The following DOK6 variants were observed in gnomAD, a reference collection of about 807,000 sequenced individuals.
The protein encoded by DOK6 is docking protein 6.
DOK6 carries 22 observed loss-of-function variants against 44.0 expected under a neutral mutation model. That is an observed-to-expected ratio of 0.50 (90% CI 0.36 to 0.71). The LOEUF is 0.71. Among genes scored for constraint, DOK6 ranks in the 30% least tolerant of loss-of-function variants. The pLI is 0.00. For synonymous variants in DOK6, 166 were observed against 145.5 expected (o/e 1.14, Z -1.01); for missense variants, 340 against 416.4 (o/e 0.82, Z 1.60).
chr18:69,493,102 T>G (rs1295696101), intron 1 of DOK6, among the ~76,000 whole-genome samples: 1 of 152,142 alleles, frequency 6.6e-6, no homozygotes, highest in African/African-American at 2.4e-5. Context: ...AATATTAAGA[T>G]CTTTCCAGAA....
At chr18:69,540,632 G>A (rs1442663) in intron 1 of DOK6, among the ~76,000 whole-genome samples, 16,607 of 152,016 alleles carry the variant, frequency 0.11, 1,824 homozygotes, top group African/African-American at 0.28. Context: ...ACATTTATGT[G>A]GCCATTGTAA....
chr18:69,586,598 C>T (rs924380232), intron 2 of DOK6, among the ~76,000 whole-genome samples: 3 of 152,246 alleles, frequency 2.0e-5, no homozygotes, highest in Non-Finnish European at 4.4e-5. Flanking sequence ...TCCCCGGACC[C>T]TACTGGCTAG....
At chr18:69,458,136 C>A (rs529673696) in intron 1 of DOK6, among the ~76,000 whole-genome samples, 2 of 152,266 alleles carry the variant, frequency 1.3e-5, no homozygotes, top group South Asian at 4.1e-4. Context: ...CCAGCCTGGG[C>A]AACAAGAGCA....
At chr18:69,762,784 G>C (rs1435626319) in intron 7 of DOK6, among the ~76,000 whole-genome samples, 1 of 152,154 alleles carries the variant, frequency 6.6e-6, no homozygotes, top group Non-Finnish European at 1.5e-5. Context: ...TCAAAGCTTT[G>C]ACTTAGCTCA....
intron 3 of DOK6, among the ~76,000 whole-genome samples, chr18:69,603,686 G>C (rs1289301511): frequency 6.6e-6 from 1 of 150,690 alleles, no homozygotes; most frequent in Non-Finnish European, 1.5e-5. Flanking sequence ...CAGGAGAATG[G>C]CGTGAACCCG....
intron 3 of DOK6, among the ~76,000 whole-genome samples, chr18:69,603,643 C>T (rs183805149): frequency 0.012 from 1,876 of 151,956 alleles, 24 homozygotes; most frequent in Non-Finnish European, 0.016. Context: ...TGGTGGCGGG[C>T]GCCTGTAGTC....
chr18:69,418,929 A>ACTT (rs1180945283), intron 1 of DOK6, among the ~76,000 whole-genome samples: 1 of 152,100 alleles, frequency 6.6e-6, no homozygotes, highest in Non-Finnish European at 1.5e-5. Context: ...ATTAGCTGGG[A>ACTT]CTTTTTCATT....
chr18:69,818,110 T>C (rs1981454887), intron 7 of DOK6, among the ~76,000 whole-genome samples: 1 of 152,150 alleles, frequency 6.6e-6, no homozygotes, highest in Non-Finnish European at 1.5e-5. Context: ...CCAGGAACTT[T>C]GAGTACCTTA....
At chr18:69,646,690 T>C (rs1458586373) in intron 3 of DOK6, among the ~76,000 whole-genome samples, 1 of 152,166 alleles carries the variant, frequency 6.6e-6, no homozygotes, top group Non-Finnish European at 1.5e-5. Flanking sequence ...TGCTTCCTTT[T>C]CCTTTACCAC....
At chr18:69,542,097 G>A (rs1599182021) in intron 1 of DOK6, among the ~76,000 whole-genome samples, 1 of 151,544 alleles carries the variant, frequency 6.6e-6, no homozygotes, top group Middle Eastern at 3.4e-3. Context: ...GAATTTACCT[G>A]CTAGACAACT....
rs1982289713 is a variant in DOK6, at chr18:69,843,834, A to G, written c.*2451A>G. On this transcript the variant is annotated 3_prime_UTR_variant, in exon 8 of 8. Coordinates refer to ENST00000382713, the MANE Select transcript of DOK6 (RefSeq NM_152721.6). ...TCGTCACAATGAGGAGAATGCTATA[A>G]TCTATCTCATGGTACATTTTTGGAG... 1 of 152,220 alleles carries G rather than the reference A, an allele frequency of 6.6e-6. No homozygotes were observed. The highest frequency in any genetic ancestry group is 1.5e-5 in the Non-Finnish European group (1 of 68,032). The allele number at this position is 152,220 out of a possible 1,614,324, so 9.4% of individuals were successfully genotyped here.
At chr18:69,622,820 T>C (rs939910407) in intron 3 of DOK6, among the ~76,000 whole-genome samples, 2 of 152,100 alleles carry the variant, frequency 1.3e-5, no homozygotes, top group African/African-American at 4.8e-5. Flanking sequence ...CTCTTGAAAA[T>C]TTCAGAAAGA....
At chr18:69,820,064 CT>C (rs1261957490) in intron 7 of DOK6, among the ~76,000 whole-genome samples, 1 of 152,096 alleles carries the variant, frequency 6.6e-6, no homozygotes, top group Non-Finnish European at 1.5e-5. Context: ...AGATTTCCTC[CT>C]TTTTTAAGGC....
intron 3 of DOK6, among the ~76,000 whole-genome samples, chr18:69,622,035 A>T (rs7229387): frequency 5.1e-4 from 78 of 152,194 alleles, no homozygotes; most frequent in Non-Finnish European, 9.3e-4. Flanking sequence ...AACAGATTTT[A>T]TGTTAATTTC....
chr18:69,491,044 A>G (rs1369785275), intron 1 of DOK6, among the ~76,000 whole-genome samples: 1 of 152,208 alleles, frequency 6.6e-6, no homozygotes, highest in Non-Finnish European at 1.5e-5. Context: ...TGGTATATAT[A>G]CTAAACATTC....
chr18:69,836,023 C>A (rs558669584), intron 7 of DOK6, among the ~76,000 whole-genome samples: 2 of 152,108 alleles, frequency 1.3e-5, no homozygotes, highest in African/African-American at 2.4e-5. Flanking sequence ...AAAAGGGAAC[C>A]CTTGTTGGTC....
At chr18:69,437,686 G>GT (rs549094631) in intron 1 of DOK6, among the ~76,000 whole-genome samples, 212 of 152,268 alleles carry the variant, frequency 1.4e-3, no homozygotes, top group African/African-American at 4.9e-3. Flanking sequence ...AGTTAAAGTA[G>GT]TTTTTTCTAA....
chr18:69,849,087 A>G lies in DOK6; in HGVS notation c.*7704A>G, dbSNP rs1270981743. On this transcript the variant is annotated 3_prime_UTR_variant, in exon 8 of 8. Coordinates refer to ENST00000382713, the MANE Select transcript of DOK6 (RefSeq NM_152721.6). Reference sequence around the variant, plus strand: ...GAAAGAAGGCCCTTTATTAAATGAAAGGTTACCGATAATTTATTATGTATT... The same window carrying G: ...GAAAGAAGGCCCTTTATTAAATGAAGGGTTACCGATAATTTATTATGTATT... 3 of 152,206 alleles carry G rather than the reference A, an allele frequency of 2.0e-5. No individual in the cohort carries two copies. Among genetic ancestry groups the G allele is most frequent in the Non-Finnish European group, 2.9e-5 (2 of 68,038 alleles). The allele number at this position is 152,206 out of a possible 1,614,324, so 9.4% of individuals were successfully genotyped here.
intron 1 of DOK6, among the ~76,000 whole-genome samples, chr18:69,424,637 T>C (rs912143848): frequency 7.4e-6 from 1 of 134,586 alleles, no homozygotes; most frequent in African/African-American, 2.8e-5. Flanking sequence ...TTATAATTTT[T>C]TGTCTTACTC....
Sources: allele counts gnomAD v4.1 joint callset (sites outside exome capture counted in the v4.1 genomes callset), GRCh38; gene constraint gnomAD v4.1.1; transcripts MANE v1.5; gene names NCBI Gene and HGNC (gene_info 2026-07-23, HGNC 2026-07-21).